The following LRRTM4 variants were observed in gnomAD, a reference collection of about 807,000 sequenced individuals.
The protein encoded by LRRTM4 is leucine-rich repeat transmembrane neuronal protein 4.
LRRTM4 carries 25 observed loss-of-function variants against 47.6 expected under a neutral mutation model. The observed-to-expected ratio is 0.53, with a 90% CI of 0.38 to 0.73. The LOEUF (loss-of-function observed/expected upper bound fraction) is 0.73. Ranked by LOEUF, LRRTM4 falls within the 30% of genes least tolerant of loss-of-function variation. The pLI, the probability that LRRTM4 is intolerant of heterozygous loss-of-function variation, is 0.00. For missense variants in LRRTM4, 638 were observed against 713.4 expected, an observed-to-expected ratio of 0.89 and a Z score of 1.20; for synonymous variants, 311 against 269.5, an observed-to-expected ratio of 1.15 and a Z score of -1.51.
At chr2:77,336,692 A>G (rs566598864) in intron 3 of LRRTM4, among the ~76,000 whole-genome samples, 1 of 152,250 alleles carries the variant, frequency 6.6e-6, no homozygotes, top group African/African-American at 2.4e-5. Flanking sequence ...CCCTCAACAA[A>G]CCTGGCTTTG....
chr2:77,088,133 T>A (rs1680787634), intron 3 of LRRTM4, among the ~76,000 whole-genome samples: 1 of 152,196 alleles, frequency 6.6e-6, no homozygotes, highest in Admixed American at 6.5e-5. Context: ...AAAGAGAAGA[T>A]AATTTATTTT....
intron 3 of LRRTM4, among the ~76,000 whole-genome samples, chr2:76,884,745 T>C (rs1403837761): frequency 6.6e-6 from 1 of 152,166 alleles, no homozygotes; most frequent in Non-Finnish European, 1.5e-5. Flanking sequence ...TTTTAAAATG[T>C]TGAGAATTCT....
intron 3 of LRRTM4, among the ~76,000 whole-genome samples, chr2:77,175,736 C>T (rs1000667853): frequency 6.6e-6 from 1 of 152,098 alleles, no homozygotes; most frequent in African/African-American, 2.4e-5. Context: ...ACTTCTTAAA[C>T]TGTCTTTTTC....
rs766661351 is a variant in LRRTM4, at chr2:77,056,602, AAAGT to A, written c.1552-307690_1552-307687del. 1.8e-4 allele frequency among the ~76,000 whole-genome samples: 28 copies of A among 152,330 alleles called. No individual in the cohort carries two copies. The South Asian group carries it at 1.9e-3, about 10-fold the overall frequency. Reference sequence around the variant, plus strand: ...AAAAGACTGTCATAAAAATACACATAAAGTAATAGTACAGTAAAAGATGTGAAAC... The same window carrying A: ...AAAAGACTGTCATAAAAATACACATAAATAGTACAGTAAAAGATGTGAAAC... On this transcript the variant is annotated intron_variant, in intron 3 of 3. Coordinates refer to ENST00000409884, the MANE Select transcript of LRRTM4 (RefSeq NM_001134745.3).
intron 3 of LRRTM4, among the ~76,000 whole-genome samples, chr2:77,055,957 G>T (rs573074225): frequency 1.4e-5 from 2 of 147,338 alleles, no homozygotes; most frequent in South Asian, 2.2e-4. Flanking sequence ...ACCAAACACC[G>T]CATATTCTCA....
chr2:77,063,822 T>C (rs1679870001), intron 3 of LRRTM4, among the ~76,000 whole-genome samples: 1 of 152,166 alleles, frequency 6.6e-6, no homozygotes, highest in Admixed American at 6.5e-5. Context: ...TTTAATTCCT[T>C]CTCTTTGTGT....
intron 3 of LRRTM4, among the ~76,000 whole-genome samples, chr2:77,326,056 C>T (rs1670762978): frequency 6.6e-6 from 1 of 152,186 alleles, no homozygotes; most frequent in Non-Finnish European, 1.5e-5. Flanking sequence ...GAGAAATGCG[C>T]TCCCTTTATC....
rs190771068 is a variant in LRRTM4 at position 77,292,497 on chromosome 2, C to A, written c.1551+225821G>T. ...ATTAAGAAAATGTGGCACATCTACA[C>A]CATGGAATACTATGCAGCCATAAAA... On this transcript the variant is annotated intron_variant, in intron 3 of 3. Coordinates refer to ENST00000409884, the MANE Select transcript of LRRTM4 (RefSeq NM_001134745.3). Among the ~76,000 whole-genome samples, 583 of 152,128 alleles carry A rather than the reference C, an allele frequency of 3.8e-3. 4 individuals are homozygous for A. Among genetic ancestry groups the A allele is most frequent in the African/African-American group, 0.013 (554 of 41,482 alleles).
chr2:77,423,988 A>C (rs1430422288), intron 3 of LRRTM4, among the ~76,000 whole-genome samples: 3 of 152,076 alleles, frequency 2.0e-5, no homozygotes, highest in Non-Finnish European at 4.4e-5. Flanking sequence ...AATTAGAATA[A>C]TTTTTTATCT....
chr2:77,001,727 A>G (rs905013756), intron 3 of LRRTM4, among the ~76,000 whole-genome samples: 5 of 152,168 alleles, frequency 3.3e-5, no homozygotes, highest in African/African-American at 4.8e-5. Context: ...ACTGAAGGAC[A>G]AAGAATTTTC....
chr2:77,291,228 G>A (rs1223963318), intron 3 of LRRTM4, among the ~76,000 whole-genome samples: 1 of 151,862 alleles, frequency 6.6e-6, no homozygotes, highest in Non-Finnish European at 1.5e-5. Context: ...ATGCATCTTG[G>A]GGGTTAATAA....
At chr2:77,406,277 T>G (rs894254397) in intron 3 of LRRTM4, among the ~76,000 whole-genome samples, 8 of 152,056 alleles carry the variant, frequency 5.3e-5, no homozygotes, top group Non-Finnish European at 1.2e-4. Context: ...AACCAACCAA[T>G]TAACGTGTAA....
At chr2:77,160,873 G>A (rs1000727668) in intron 3 of LRRTM4, among the ~76,000 whole-genome samples, 1 of 152,110 alleles carries the variant, frequency 6.6e-6, no homozygotes, top group Middle Eastern at 3.2e-3. Context: ...CCTTATCCAT[G>A]CATGATTGCT....
chr2:77,094,846 GA>G (rs1670764568), intron 3 of LRRTM4, among the ~76,000 whole-genome samples: 2 of 152,072 alleles, frequency 1.3e-5, no homozygotes. Context: ...GAAAACAGGG[GA>G]AAAGCTCCAT....
At chr2:77,258,289 T>C (rs550799441) in intron 3 of LRRTM4, among the ~76,000 whole-genome samples, 1 of 152,126 alleles carries the variant, frequency 6.6e-6, no homozygotes, top group East Asian at 1.9e-4. Context: ...TTGACAGTTT[T>C]CCAAAAAGTT....
At chr2:76,981,593 C>G (rs1345809420) in intron 3 of LRRTM4, among the ~76,000 whole-genome samples, 1 of 151,988 alleles carries the variant, frequency 6.6e-6, no homozygotes, top group African/African-American at 2.4e-5. Flanking sequence ...CTCCTGGGCT[C>G]AAGGCACCTC....
intron 3 of LRRTM4, among the ~76,000 whole-genome samples, chr2:77,252,720 GAA>G (rs997645187): frequency 1.5e-3 from 224 of 152,242 alleles, no homozygotes; most frequent in African/African-American, 5.2e-3. Flanking sequence ...TATGGGGAGG[GAA>G]AAGAGTGGTG....
intron 3 of LRRTM4, among the ~76,000 whole-genome samples, chr2:76,906,346 G>A (rs190467588): frequency 4.6e-5 from 7 of 152,156 alleles, no homozygotes; most frequent in Non-Finnish European, 8.8e-5. Context: ...CCTGAAGGAA[G>A]CGCTAAACGT....
At chr2:77,430,646 A>C (rs1026912719) in intron 3 of LRRTM4, among the ~76,000 whole-genome samples, 2 of 145,726 alleles carry the variant, frequency 1.4e-5, no homozygotes, top group Admixed American at 6.7e-5. Flanking sequence ...ACTTGAACCC[A>C]GGAGGCGGAG....
Sources: allele counts gnomAD v4.1 joint callset (sites outside exome capture counted in the v4.1 genomes callset), GRCh38; gene constraint gnomAD v4.1.1; transcripts MANE v1.5; gene names NCBI Gene and HGNC (gene_info 2026-07-23, HGNC 2026-07-21).